The following IGF2BP2 variants were observed in gnomAD, a reference collection of about 807,000 sequenced individuals.
The protein encoded by IGF2BP2 is insulin like growth factor 2 mRNA binding protein 2.
In IGF2BP2, 17 loss-of-function variants were observed where a neutral mutation model predicts 75.8. The ratio of observed to expected loss-of-function variants is 0.22; its 90% CI spans 0.15 to 0.34. IGF2BP2 has a LOEUF of 0.34. Among genes scored for constraint, IGF2BP2 ranks in the 10% least tolerant of loss-of-function variants. The pLI, the probability that IGF2BP2 is intolerant of heterozygous loss-of-function variation, is 1.00. For missense variants in IGF2BP2, 516 were observed against 772.4 expected, an observed-to-expected ratio of 0.67 and a Z score of 3.93; for synonymous variants, 288 against 295.6, an observed-to-expected ratio of 0.97 and a Z score of 0.26.
chr3:185,726,340 G>C (rs971174647), intron 2 of IGF2BP2, among the ~76,000 whole-genome samples: 3 of 152,164 alleles, frequency 2.0e-5, no homozygotes, highest in African/African-American at 4.8e-5. Flanking sequence ...ACTGGGGAAT[G>C]AATGAAATTA....
chr3:185,693,626 T>C (rs538949824), intron 4 of IGF2BP2, among the ~76,000 whole-genome samples: 13 of 152,190 alleles, frequency 8.5e-5, no homozygotes, highest in Non-Finnish European at 1.9e-4. Context: ...TGCCTCTTCT[T>C]CTATAGTTAG....
At chr3:185,780,287 G>A (rs1735041390) in intron 2 of IGF2BP2, among the ~76,000 whole-genome samples, 1 of 152,166 alleles carries the variant, frequency 6.6e-6, no homozygotes, top group Admixed American at 6.5e-5. Flanking sequence ...ATTAGGGATG[G>A]GAGGTTAAAA....
chr3:185,698,514 T>C (rs1437687863), intron 2 of IGF2BP2, among the ~76,000 whole-genome samples, 167 bp from the exon 3 acceptor site: 1 of 152,208 alleles, frequency 6.6e-6, no homozygotes, highest in Admixed American at 6.5e-5. Flanking sequence ...TTTTTGTTGT[T>C]TTTTTTCGAG....
intron 10 of IGF2BP2, among the ~76,000 whole-genome samples, chr3:185,659,009 A>C (rs1715944914): frequency 6.6e-6 from 1 of 152,120 alleles, no homozygotes; most frequent in South Asian, 2.1e-4. Flanking sequence ...GGGTTCAGGA[A>C]CTTGAGACTA....
intron 10 of IGF2BP2, among the ~76,000 whole-genome samples, chr3:185,664,542 T>C (rs968294483): frequency 6.6e-6 from 1 of 152,172 alleles, no homozygotes; most frequent in Non-Finnish European, 1.5e-5. Context: ...AAATTGTGAT[T>C]TGATCTCCTA....
intron 2 of IGF2BP2, among the ~76,000 whole-genome samples, chr3:185,713,920 T>C (rs1190242210): frequency 1.3e-5 from 2 of 152,160 alleles, no homozygotes; most frequent in Non-Finnish European, 2.9e-5. Context: ...AGGCTGGTCT[T>C]GAACTCCTGA....
intron 2 of IGF2BP2, among the ~76,000 whole-genome samples, chr3:185,796,616 G>GA (rs1737440652): frequency 9.8e-6 from 1 of 101,552 alleles, no homozygotes; most frequent in Non-Finnish European, 1.8e-5. Context: ...TCCTGAGCTA[G>GA]GAAAAAAAAA....
intron 5 of IGF2BP2, 62 bp from the exon 6 acceptor site, chr3:185,689,689 C>A: frequency 6.2e-7 from 1 of 1,604,374 alleles, no homozygotes; most frequent in Non-Finnish European, 8.5e-7. Context: ...ACCCTCCCGG[C>A]CGGGCGCGGT....
intron 2 of IGF2BP2, among the ~76,000 whole-genome samples, chr3:185,701,828 C>G (rs576495257): frequency 3.9e-5 from 6 of 152,198 alleles, no homozygotes; most frequent in African/African-American, 1.4e-4. Context: ...GGAGTTCAGC[C>G]GGTCATTTGG....
At chr3:185,804,127 T>C (rs1301908523) in intron 2 of IGF2BP2, among the ~76,000 whole-genome samples, 3 of 151,704 alleles carry the variant, frequency 2.0e-5, no homozygotes, top group Non-Finnish European at 4.4e-5. Context: ...CGTGGTGGCA[T>C]GTGCCTGTAA....
intron 2 of IGF2BP2, among the ~76,000 whole-genome samples, chr3:185,812,359 G>A (rs528334498): frequency 6.6e-6 from 1 of 152,200 alleles, no homozygotes; most frequent in Non-Finnish European, 1.5e-5. Context: ...GCAATCACTG[G>A]CCAAGGAGCT....
At chr3:185,646,809 T>C (rs1713640885) in intron 15 of IGF2BP2, 3 of 578,464 alleles carry the variant, frequency 5.2e-6, no homozygotes, top group Non-Finnish European at 6.2e-6. Flanking sequence ...CCCAAGCTCC[T>C]AGCATACATA....
At chr3:185,754,843 G>C (rs569492643) in intron 2 of IGF2BP2, among the ~76,000 whole-genome samples, 1 of 152,136 alleles carries the variant, frequency 6.6e-6, no homozygotes, top group Admixed American at 6.5e-5. Flanking sequence ...ATTTCTAAGC[G>C]GCAAAGCAAT....
At chr3:185,731,741 G>A (rs1054264917) in intron 2 of IGF2BP2, among the ~76,000 whole-genome samples, 2 of 151,982 alleles carry the variant, frequency 1.3e-5, no homozygotes, top group Non-Finnish European at 2.9e-5. Flanking sequence ...TTGGGAGGCC[G>A]AGGCGGGCGG....
At chr3:185,696,388 A>G (rs1392347099) in intron 4 of IGF2BP2, 4 of 542,626 alleles carry the variant, frequency 7.4e-6, no homozygotes, top group Admixed American at 3.1e-5. Context: ...CAGCTTGTAA[A>G]TAATATTCCT....
chr3:185,680,469 C>G (rs1720207347), intron 7 of IGF2BP2, among the ~76,000 whole-genome samples: 1 of 152,142 alleles, frequency 6.6e-6, no homozygotes, highest in Non-Finnish European at 1.5e-5. Flanking sequence ...CCAGCTTTAC[C>G]CTGATTCCAA....
chr3:185,662,575 G>C (rs1482544417), intron 10 of IGF2BP2, among the ~76,000 whole-genome samples: 12 of 128,638 alleles, frequency 9.3e-5, no homozygotes, highest in Non-Finnish European at 1.4e-4. Context: ...AGATGGACTA[G>C]CTCTGTTGCC....
At chr3:185,794,781 G>A (rs1290924237) in intron 2 of IGF2BP2, among the ~76,000 whole-genome samples, 1 of 151,786 alleles carries the variant, frequency 6.6e-6, no homozygotes, top group African/African-American at 2.4e-5. Flanking sequence ...CTTTCATCTT[G>A]CCAAACTGAA....
intron 2 of IGF2BP2, among the ~76,000 whole-genome samples, chr3:185,714,556 T>C (rs1350140049): frequency 6.6e-6 from 1 of 152,240 alleles, no homozygotes; most frequent in Non-Finnish European, 1.5e-5. Context: ...GCTGAAAACA[T>C]GGAGCTATCA....
Sources: allele counts gnomAD v4.1 joint callset (sites outside exome capture counted in the v4.1 genomes callset), GRCh38; gene constraint gnomAD v4.1.1; transcripts MANE v1.5; gene names NCBI Gene and HGNC (gene_info 2026-07-23, HGNC 2026-07-21).